The following TRIO variants were observed in gnomAD, a reference collection of about 807,000 sequenced individuals.
TRIO encodes the protein triple functional domain protein.
In TRIO, 58 loss-of-function variants were observed where a neutral mutation model predicts 351.9. The observed-to-expected ratio is 0.16, with a 90% confidence interval of 0.13 to 0.21. TRIO has a LOEUF of 0.21. Among genes scored for constraint, TRIO ranks in the 10% least tolerant of loss-of-function variants. TRIO has a pLI of 1.00. For missense variants in TRIO, 3,201 were observed against 4,027.8 expected (o/e 0.79, Z 5.56); for synonymous variants, 1,758 against 1,595.7 (o/e 1.10, Z -2.42).
chr5:14,414,873 G>C (rs955354309), intron 33 of TRIO, among the ~76,000 whole-genome samples: 5 of 152,234 alleles, frequency 3.3e-5, no homozygotes, highest in African/African-American at 1.2e-4. Context: ...GAGTCTCCGT[G>C]AAGTTGCCCT....
chr5:14,239,063 T>A (rs1241542653), intron 1 of TRIO, among the ~76,000 whole-genome samples: 1 of 152,188 alleles, frequency 6.6e-6, no homozygotes, highest in African/African-American at 2.4e-5. Flanking sequence ...AACCTAAGAT[T>A]GTTGGCTCTA....
intron 1 of TRIO, among the ~76,000 whole-genome samples, chr5:14,191,251 TG>T (rs1460284656): frequency 6.6e-6 from 1 of 152,206 alleles, no homozygotes; most frequent in Non-Finnish European, 1.5e-5. Context: ...TGTATGTGTA[TG>T]TAGCATTCTA....
In TRIO at chr5:14,397,119, G is replaced by A. The variant is rs373502206; in HGVS notation, c.4388G>A (p.Arg1463Gln). 8.7e-6 allele frequency: 14 copies of A among 1,609,668 alleles called. No homozygotes were observed. The highest frequency in any genetic ancestry group is 4.0e-5 in the African/African-American group (3 of 74,872). ...GLEVMLSVPKRANDAMHLSML... is the reference protein window; with the variant it reads ...GLEVMLSVPKQANDAMHLSML... ...GAGGTGATGCTCAGCGTGCCGAAGC[G>A]AGCCAATGATGCCATGCACCTCAGC... Residue 1463 changes from arginine to glutamine, a missense_variant, in exon 29 of 57, where the codon CGA (arginine) becomes CAA (glutamine). Arg to Gln is a conservative substitution (Grantham distance 43). Around this residue, in one of 19 missense-constraint regions of TRIO, gnomAD observed 115 missense variants for 239.6 expected, o/e 0.48. Transcript: ENST00000344204.
At chr5:14,288,726 T>C (rs1223826430) in intron 4 of TRIO, among the ~76,000 whole-genome samples, 1 of 151,856 alleles carries the variant, frequency 6.6e-6, no homozygotes, top group Non-Finnish European at 1.5e-5. Context: ...ATTGTAGGCA[T>C]AAGTGCTGGA....
intron 1 of TRIO, among the ~76,000 whole-genome samples, chr5:14,147,072 C>T (rs1787562351): frequency 6.6e-6 from 1 of 152,122 alleles, no homozygotes; most frequent in East Asian, 1.9e-4. Flanking sequence ...AGATTTTCTG[C>T]AGGTGTTAGT....
chr5:14,434,998 T>C (rs1214373115), intron 34 of TRIO, among the ~76,000 whole-genome samples: 1 of 152,252 alleles, frequency 6.6e-6, no homozygotes, highest in Non-Finnish European at 1.5e-5. Flanking sequence ...CTGATGCTAT[T>C]GTGCCCTTCT....
intron 2 of TRIO, among the ~76,000 whole-genome samples, chr5:14,275,997 CAT>C (rs1188317429): frequency 1.4e-5 from 2 of 147,472 alleles, no homozygotes; most frequent in Non-Finnish European, 3.0e-5. Context: ...TACACACACA[CAT>C]ATGTGTATAT....
intron 1 of TRIO, among the ~76,000 whole-genome samples, chr5:14,166,840 G>A (rs1217753491): frequency 1.3e-5 from 2 of 152,184 alleles, no homozygotes; most frequent in Non-Finnish European, 2.9e-5. Context: ...TCTTACGGAT[G>A]AGGTGTGCGT....
intron 11 of TRIO, among the ~76,000 whole-genome samples, chr5:14,357,250 C>A (rs137876243): frequency 6.6e-6 from 1 of 152,242 alleles, no homozygotes; most frequent in African/African-American, 2.4e-5. Context: ...CCCCATCTCA[C>A]CAGCTGAGCC....
chr5:14,431,340 C>T (rs1474134874), intron 34 of TRIO, among the ~76,000 whole-genome samples: 2 of 152,238 alleles, frequency 1.3e-5, no homozygotes, highest in Non-Finnish European at 2.9e-5. Flanking sequence ...CAGGGGGCAT[C>T]ATCTTCCCGA....
Position 14,374,469 on chromosome 5 carries a change from G to T in TRIO, c.3331+126G>T, listed in dbSNP as rs1050063941. 4 of 585,600 alleles carry T rather than the reference G, an allele frequency of 6.8e-6. No individual in the cohort carries two copies. The African/African-American group carries it at 7.6e-5, about 11-fold the overall frequency. The allele number at this position is 585,600 out of a possible 1,614,324, so 36.3% of individuals were successfully genotyped here. A position where few individuals can be genotyped will look rare whatever the true frequency, so the allele number is the denominator to read the frequency against. On this transcript the variant is annotated intron_variant, in intron 19 of 56. Coordinates refer to ENST00000344204, the MANE Select transcript of TRIO (RefSeq NM_007118.4). ...TTTTAAATGTCCGTTTCATGTTAATGAAGTCCTTACTAATGATCTTAGTTT... is the reference window on the plus strand; with the variant it reads ...TTTTAAATGTCCGTTTCATGTTAATTAAGTCCTTACTAATGATCTTAGTTT...
chr5:14,432,525 C>T (rs1363323280), intron 34 of TRIO, among the ~76,000 whole-genome samples: 1 of 152,210 alleles, frequency 6.6e-6, no homozygotes, highest in Non-Finnish European at 1.5e-5. Flanking sequence ...TGAAAAAGAT[C>T]AAGTTTCAGA....
At chr5:14,180,613 C>T (rs894619564) in intron 1 of TRIO, among the ~76,000 whole-genome samples, 10 of 152,108 alleles carry the variant, frequency 6.6e-5, no homozygotes, top group African/African-American at 1.2e-4. Context: ...GTGGGAAGAT[C>T]GCTTGAGGCC....
intron 31 of TRIO, among the ~76,000 whole-genome samples, chr5:14,401,583 C>T (rs959947289): frequency 6.6e-6 from 1 of 152,174 alleles, no homozygotes; most frequent in Admixed American, 6.5e-5. Flanking sequence ...GGGTTTGATA[C>T]TGTTATGATT....
At chr5:14,386,849 A>G (rs183346610) in intron 21 of TRIO, among the ~76,000 whole-genome samples, 2 of 152,262 alleles carry the variant, frequency 1.3e-5, no homozygotes, top group Non-Finnish European at 2.9e-5. Context: ...CTCTATATAG[A>G]TGATTTCCTG....
Position 14,286,965 on chromosome 5 carries a change from T to A in TRIO, c.442T>A (p.Ser148Thr). Residue 148 changes from serine (S) to threonine (T), a missense_variant, in exon 4 of 57, where the codon TCC becomes ACC. By Grantham distance (58) the Ser-to-Thr change is moderately conservative. Coordinates refer to ENST00000344204, the MANE Select transcript of TRIO (RefSeq NM_007118.4). This position sits in a 1 kb window ranked among gnomAD's most constrained non-coding sequence, Gnocchi z 4.4. ...GCCCCTTCTGAAGATCCTGCAGGAG[T>A]CCTTCCCCTGCTGCATCCATGTGGC... The part of the protein sequence containing the change: ...IKPLLKILQE[S>T]FPCCIHVALI... 1 of 1,613,902 alleles carries A rather than the reference T, an allele frequency of 6.2e-7. No homozygotes were observed. The highest frequency in any genetic ancestry group is 8.5e-7 in the Non-Finnish European group (1 of 1,179,954).
intron 20 of TRIO, among the ~76,000 whole-genome samples, chr5:14,380,009 T>C (rs1246628149): frequency 3.3e-5 from 5 of 152,186 alleles, no homozygotes; most frequent in African/African-American, 9.7e-5. Flanking sequence ...ACTCTAGTCA[T>C]TGCCTTTCTT....
chr5:14,220,095 G>A (rs1428902569), intron 1 of TRIO, among the ~76,000 whole-genome samples: 3 of 142,882 alleles, frequency 2.1e-5, no homozygotes, highest in Admixed American at 1.5e-4. Flanking sequence ...TGGCAACCCT[G>A]TGTTGAGTAA....
Position 14,487,792 on chromosome 5 carries a change from C to T in TRIO, c.7164C>T (p.Ser2388=), listed in dbSNP as rs559376311. The change falls in exon 48 of 57, where the codon AGC becomes AGT. Residue 2388 remains serine (S), a synonymous_variant. Coordinates refer to ENST00000344204, the MANE Select transcript of TRIO (RefSeq NM_007118.4). ...GCGCGGCCCCCGAGGCCGGCCCCAG[C>T]GCGCCCAGCAGGCGGCCCCCCGGCG... ...PPGAAPEAGP[S]APSRRPPGAD... is the part of the protein sequence containing the mutation. The T allele has an allele frequency of 2.9e-6, 4 of 1,393,192 alleles. No individual in the cohort carries two copies. Among genetic ancestry groups the T allele is most frequent in the South Asian group, 3.1e-5 (2 of 64,282 alleles). The allele number at this position is 1,393,192 out of a possible 1,614,324, so 86.3% of individuals were successfully genotyped here.
Sources: allele counts gnomAD v4.1 joint callset (sites outside exome capture counted in the v4.1 genomes callset), GRCh38; gene constraint gnomAD v4.1.1; regional missense constraint gnomAD v4.1.1; non-coding constraint Gnocchi (gnomAD v3.1); transcripts MANE v1.5; gene names NCBI Gene and HGNC (gene_info 2026-07-23, HGNC 2026-07-21).